The following SBK1 variants were observed in gnomAD, a reference collection of about 807,000 sequenced individuals.
SBK1 encodes the protein SH3 domain binding kinase 1, also known as serine/threonine-protein kinase SBK1.
In SBK1, 11 loss-of-function variants were observed where a neutral mutation model predicts 24.4. The ratio of observed to expected loss-of-function variants is 0.45; its 90% CI spans 0.28 to 0.75. SBK1 has a LOEUF of 0.75. Ranked by LOEUF, SBK1 falls within the 30% of genes least tolerant of loss-of-function variation. SBK1 has a pLI of 0.12. For missense variants in SBK1, 467 were observed against 620.5 expected (o/e 0.75, Z 2.63); for synonymous variants, 308 against 284.4 (o/e 1.08, Z -0.83).
At chr16:28,309,880 G>C (rs141624193) in intron 1 of SBK1, among the ~76,000 whole-genome samples, 11 of 152,356 alleles carry the variant, frequency 7.2e-5, no homozygotes, top group African/African-American at 2.4e-4. Context: ...ATGTGTGTCT[G>C]TGTGGATGCT....
At position 28,320,571 on chromosome 16, in the gene SBK1, G is replaced by A; in HGVS notation, c.925G>A (p.Val309Met). ...EPERRGPAKE[V>M]FRFLKHELTS... ...CGAGCGCCGCGGCCCAGCCAAGGAG[G>A]TGTTCCGCTTCCTCAAGCACGAGCT... Residue 309 changes from valine (V) to methionine (M), a missense_variant, in exon 4 of 4, where the codon GTG becomes ATG. By Grantham distance (21) the Val-to-Met change is conservative. Transcript: ENST00000341901. The surrounding 1 kb of genome is among the most constrained non-coding windows in gnomAD (Gnocchi z 8.5). The A allele has an allele frequency of 6.5e-7, 1 of 1,537,182 alleles. No individual in the cohort carries two copies. The highest frequency in any genetic ancestry group is 8.7e-7 in the Non-Finnish European group (1 of 1,148,976).
At chr16:28,313,621 A>T (rs1596553087) in intron 1 of SBK1, among the ~76,000 whole-genome samples, 1 of 147,590 alleles carries the variant, frequency 6.8e-6, no homozygotes, top group East Asian at 2.0e-4. Context: ...AAACATACTG[A>T]CAGGGGAGAT....
chr16:28,297,718 T>C (rs773888041), intron 1 of SBK1, among the ~76,000 whole-genome samples: 1 of 152,188 alleles, frequency 6.6e-6, no homozygotes, highest in Non-Finnish European at 1.5e-5. Context: ...ATATCAAAAA[T>C]GCTCACTAAC....
At chr16:28,268,601 A>G (rs1465281397) in intron 1 of SBK1, among the ~76,000 whole-genome samples, 1 of 151,934 alleles carries the variant, frequency 6.6e-6, no homozygotes, top group Non-Finnish European at 1.5e-5. Context: ...TGTTTCTACT[A>G]AAAATACAAA....
At chr16:28,303,252 G>T (rs2044691798) in intron 1 of SBK1, among the ~76,000 whole-genome samples, 2 of 152,096 alleles carry the variant, frequency 1.3e-5, no homozygotes, top group Admixed American at 1.3e-4. Context: ...GGGGGTAAGG[G>T]AATGCTCCTT....
At chr16:28,297,814 A>G in intron 1 of SBK1, among the ~76,000 whole-genome samples, 1 of 152,164 alleles carries the variant, frequency 6.6e-6, no homozygotes, top group East Asian at 1.9e-4. Context: ...CTAGGGAGGC[A>G]GAGGCTTCTG....
intron 1 of SBK1, among the ~76,000 whole-genome samples, chr16:28,282,341 A>T (rs919378290): frequency 6.6e-6 from 1 of 152,090 alleles, no homozygotes; most frequent in Non-Finnish European, 1.5e-5. Flanking sequence ...ATGAGTGGGC[A>T]TTCGCACGGA....
chr16:28,289,020 G>A (rs1456574205), upstream of SBK1, among the ~76,000 whole-genome samples: 1 of 152,168 alleles, frequency 6.6e-6, no homozygotes, highest in South Asian at 2.1e-4. Context: ...TAAGGAATCA[G>A]GGAAGGTTTC....
At chr16:28,310,938 C>T (rs1009334151) in intron 1 of SBK1, among the ~76,000 whole-genome samples, 6 of 152,204 alleles carry the variant, frequency 3.9e-5, no homozygotes, top group Non-Finnish European at 8.8e-5. Flanking sequence ...TCCCCCTGTG[C>T]CTCCGACGCC....
At chr16:28,282,150 G>A (rs1444879957) in intron 1 of SBK1, among the ~76,000 whole-genome samples, 1 of 152,076 alleles carries the variant, frequency 6.6e-6, no homozygotes, top group East Asian at 1.9e-4. Flanking sequence ...TTGGAGGGAG[G>A]GGCTTAGTGA....
rs1596546526 is a variant in SBK1 at position 28,293,197 on chromosome 16, C to T, written c.-111C>T. 2.0e-6 allele frequency: 2 copies of T among 985,506 alleles called. No homozygotes were observed. Among genetic ancestry groups the T allele is most frequent in the Non-Finnish European group, 2.4e-6 (2 of 829,970 alleles). The allele number at this position is 985,506 out of a possible 1,614,324, so 61.0% of individuals were successfully genotyped here. A position where few individuals can be genotyped will look rare whatever the true frequency, so the allele number is the denominator to read the frequency against. ...TGAGCCCCTGGCGGCACCGCTTGCA[C>T]CCCGGTCCATGGTCGTGGCGCCCTG... On this transcript the variant is annotated 5_prime_UTR_variant, in exon 1 of 4. Coordinates refer to ENST00000341901, the MANE Select transcript of SBK1 (RefSeq NM_001024401.3).
chr16:28,276,167 G>A (rs1365127251), intron 1 of SBK1, among the ~76,000 whole-genome samples: 1 of 152,184 alleles, frequency 6.6e-6, no homozygotes, highest in Non-Finnish European at 1.5e-5. Context: ...TTTGTTTGAG[G>A]AGAGAGGAGG....
intron 1 of SBK1, among the ~76,000 whole-genome samples, chr16:28,294,217 A>G (rs1241909919): frequency 1.3e-5 from 2 of 152,072 alleles, no homozygotes; most frequent in African/African-American, 2.4e-5. Context: ...TCTACCGCAT[A>G]TGAGGAAGCC....
At chr16:28,318,222 T>C (rs2044811828) in intron 2 of SBK1, among the ~76,000 whole-genome samples, 1 of 152,178 alleles carries the variant, frequency 6.6e-6, no homozygotes, top group Admixed American at 6.5e-5. Flanking sequence ...TCCCCCACAC[T>C]GTAGGTCACA....
At chr16:28,280,226 CATAT>C (rs1378857226) in intron 1 of SBK1, among the ~76,000 whole-genome samples, 69 of 121,266 alleles carry the variant, frequency 5.7e-4, no homozygotes, top group East Asian at 3.2e-3. Context: ...TACGCATATA[CATAT>C]ATACATATAT....
chr16:28,273,123 C>A (rs2044476930), intron 1 of SBK1, among the ~76,000 whole-genome samples: 1 of 151,970 alleles, frequency 6.6e-6, no homozygotes, highest in Non-Finnish European at 1.5e-5. Context: ...GTTGCCCAGG[C>A]TGGTCTCGAA....
Position 28,321,476 on chromosome 16 carries a change from G to A in SBK1, c.*555G>A, listed in dbSNP as rs1450338320. ...CTGGGCACAGGCTGGGATCAGGGCA[G>A]TGAGCGAAGGGCAGCTGTGTCCTGC... is the stretch of plus-strand genomic sequence containing the variant. On this transcript the variant is annotated 3_prime_UTR_variant, in exon 4 of 4. Transcript: ENST00000341901. 1 of 153,098 alleles carries A rather than the reference G, an allele frequency of 6.5e-6. No individual in the cohort carries two copies. The highest frequency in any genetic ancestry group is 2.4e-5 in the African/African-American group (1 of 41,454). The allele number at this position is 153,098 out of a possible 1,614,324, so 9.5% of individuals were successfully genotyped here.
intron 1 of SBK1, among the ~76,000 whole-genome samples, chr16:28,269,630 G>A (rs1429521841): frequency 1.3e-5 from 2 of 151,884 alleles, no homozygotes; most frequent in Non-Finnish European, 2.9e-5. Context: ...CACTTTGGGA[G>A]GCCGAGGCAG....
At chr16:28,280,187 A>G (rs1246437157) in intron 1 of SBK1, among the ~76,000 whole-genome samples, 1 of 107,828 alleles carries the variant, frequency 9.3e-6, no homozygotes, top group African/African-American at 2.9e-5. Flanking sequence ...ATATATACAT[A>G]TATATGTACA....
Sources: allele counts gnomAD v4.1 joint callset (sites outside exome capture counted in the v4.1 genomes callset), GRCh38; gene constraint gnomAD v4.1.1; non-coding constraint Gnocchi (gnomAD v3.1); transcripts MANE v1.5; gene names NCBI Gene and HGNC (gene_info 2026-07-23, HGNC 2026-07-21).